The following ADGRL2 variants were observed in gnomAD, a reference collection of about 807,000 sequenced individuals.
ADGRL2 encodes the protein calcium-independent alpha-latrotoxin receptor 2.
A neutral mutation model predicts 157.4 loss-of-function variants in ADGRL2; 44 were observed. That is an observed-to-expected ratio of 0.28 (90% CI 0.22 to 0.36). ADGRL2 has a LOEUF of 0.36. Ranked by LOEUF, ADGRL2 falls within the 10% of genes least tolerant of loss-of-function variation. The pLI is 1.00. For missense variants in ADGRL2, 1,510 were observed against 1,768.9 expected (o/e 0.85, Z 2.63); for synonymous variants, 585 against 624.7 (o/e 0.94, Z 0.95).
Position 81,746,957 on chromosome 1 carries a change from C to T in ADGRL2, c.-142-14854C>T, listed in dbSNP as rs540531502. On this transcript the variant is annotated intron_variant, in intron 1 of 20. Coordinates refer to the ADGRL2 transcript ENST00000359929. ...ACACGTATACACATGTATGTATATA[C>T]GTATATACACACGTATACACACGTG... Among the ~76,000 whole-genome samples the T allele has an allele frequency of 4.1e-4, 60 of 145,558 alleles. No homozygotes were observed. The South Asian group carries it at 4.5e-3, about 11-fold the overall frequency.
At chr1:81,985,426 G>A in intron 21 of ADGRL2, 71 bp downstream of exon 21, 1 of 763,252 alleles carries the variant, frequency 1.3e-6, no homozygotes, top group Non-Finnish European at 2.2e-6. Context: ...ATTCAATAAT[G>A]TAATGTAAGA....
At chr1:81,636,899 G>A (rs1467840436) in intron 3 of ADGRL2, among the ~76,000 whole-genome samples, 1 of 152,222 alleles carries the variant, frequency 6.6e-6, no homozygotes, top group Admixed American at 6.5e-5. Context: ...GCAGTGGCGC[G>A]ATCTTAGCTC....
intron 1 of ADGRL2, among the ~76,000 whole-genome samples, chr1:81,417,997 T>TTG (rs2077061185): frequency 1.3e-5 from 2 of 152,218 alleles, no homozygotes; most frequent in Non-Finnish European, 2.9e-5. Context: ...TGAAAATAAC[T>TTG]CATAATGACA....
At chr1:81,668,729 A>AT (rs371722622) in intron 3 of ADGRL2, among the ~76,000 whole-genome samples, 49,944 of 146,936 alleles carry the variant, frequency 0.34, 9,033 homozygotes, top group African/African-American at 0.49. Context: ...GGCCCGGCTA[A>AT]TTTTTTTTTT....
intron 1 of ADGRL2, among the ~76,000 whole-genome samples, chr1:81,403,623 T>C (rs1171395342): frequency 6.6e-6 from 1 of 152,148 alleles, no homozygotes; most frequent in Non-Finnish European, 1.5e-5. Flanking sequence ...AGTGGTGTTA[T>C]AATCAAATAA....
chr1:81,897,733 T>A (rs2094417723), intron 2 of ADGRL2, among the ~76,000 whole-genome samples: 1 of 152,136 alleles, frequency 6.6e-6, no homozygotes, highest in Non-Finnish European at 1.5e-5. Flanking sequence ...AAGTTGAAAA[T>A]TTTTACCTTG....
chr1:81,834,592 T>C (rs1458067495), intron 1 of ADGRL2, among the ~76,000 whole-genome samples: 2 of 152,200 alleles, frequency 1.3e-5, no homozygotes, highest in African/African-American at 4.8e-5. Context: ...GTAAAATCTT[T>C]TGATTTAGTT....
intron 3 of ADGRL2, among the ~76,000 whole-genome samples, chr1:81,689,273 C>G (rs1305588554): frequency 6.6e-6 from 1 of 152,218 alleles, no homozygotes; most frequent in Non-Finnish European, 1.5e-5. Flanking sequence ...TTCCCTATCT[C>G]TGACCTATAG....
intron 1 of ADGRL2, among the ~76,000 whole-genome samples, chr1:81,724,235 A>G (rs2149140345): frequency 6.6e-6 from 1 of 152,310 alleles, no homozygotes; most frequent in East Asian, 1.9e-4. Context: ...CACTCTGGCA[A>G]CATCTTGTCA....
chr1:81,325,677 C>T lies in ADGRL2; in HGVS notation c.-302+19168C>T, dbSNP rs115488257. Among the ~76,000 whole-genome samples the T allele has an allele frequency of 2.4e-3, 360 of 152,328 alleles. 3 individuals are homozygous for T. Among genetic ancestry groups the T allele is most frequent in the African/African-American group, 8.2e-3 (339 of 41,574 alleles). On this transcript the variant is annotated intron_variant, in intron 1 of 24. Transcript: ENST00000370721. ...TTCCAATATAACTCTAAACTTGCCT[C>T]ATGCAAACGTCTTTAATTTGTAATG...
Position 81,733,727 on chromosome 1 carries a change from T to C in ADGRL2, c.-142-28084T>C, listed in dbSNP as rs184818623. Among the ~76,000 whole-genome samples the C allele has an allele frequency of 4.6e-5, 7 of 152,200 alleles. No individual in the cohort carries two copies. The East Asian group carries it at 1.4e-3, about 29-fold the overall frequency. On this transcript the variant is annotated intron_variant, in intron 1 of 20. Coordinates refer to the ADGRL2 transcript ENST00000359929. ...CATCCTTCTACCCCCTGCTAATAGC[T>C]CTGTGCACTTGGAACTTCAGAATGT...
chr1:81,577,131 CTTTGGACTTGTCA>C (rs527757030), intron 2 of ADGRL2, among the ~76,000 whole-genome samples: 38 of 152,286 alleles, frequency 2.5e-4, no homozygotes, highest in African/African-American at 8.7e-4. Context: ...ATTTTCCTCT[CTTTGGACTTGTCA>C]TTTGTGCCCT....
chr1:81,385,618 A>T (rs1156593190), intron 1 of ADGRL2, among the ~76,000 whole-genome samples: 1 of 152,082 alleles, frequency 6.6e-6, no homozygotes, highest in Non-Finnish European at 1.5e-5. Context: ...AATCCTAGAT[A>T]ATATTTAATG....
At chr1:81,723,188 C>G (rs2084394660) in intron 1 of ADGRL2, 1 of 495,064 alleles carries the variant, frequency 2.0e-6, no homozygotes, top group African/African-American at 1.9e-5. Context: ...AGCTGGGGTG[C>G]TTTGAAGATA....
intron 3 of ADGRL2, among the ~76,000 whole-genome samples, chr1:81,637,091 G>C (rs1365935572): frequency 6.6e-6 from 1 of 152,176 alleles, no homozygotes; most frequent in African/African-American, 2.4e-5. Flanking sequence ...TGATCCACCC[G>C]CCTCAGCCTC....
intron 2 of ADGRL2, among the ~76,000 whole-genome samples, chr1:81,793,500 T>C (rs1200796797): frequency 6.6e-6 from 1 of 152,120 alleles, no homozygotes; most frequent in Non-Finnish European, 1.5e-5. Flanking sequence ...AAGTTAATAA[T>C]CTAACTTCAG....
intron 2 of ADGRL2, among the ~76,000 whole-genome samples, chr1:81,768,673 A>G (rs924647319): frequency 1.3e-5 from 2 of 152,020 alleles, no homozygotes; most frequent in African/African-American, 4.8e-5. Context: ...GGGTCTCACT[A>G]TGTTGTTCAG....
At chr1:81,821,566 CAGA>C (rs776191308) in intron 1 of ADGRL2, among the ~76,000 whole-genome samples, 17 of 152,036 alleles carry the variant, frequency 1.1e-4, no homozygotes, top group Non-Finnish European at 2.4e-4. Context: ...GCATTCACAG[CAGA>C]AGACTACTGT....
exon 1 of ADGRL2, chr1:81,306,399 G>A (rs1315044339): frequency 6.6e-6 from 1 of 152,050 alleles, no homozygotes. Flanking sequence ...TTGCAGAACT[G>A]CTGTATGTAT....
Sources: gnomAD v4.1 joint callset for allele counts (sites outside exome capture counted in the v4.1 genomes callset) on GRCh38, gnomAD v4.1.1 for gene constraint, MANE v1.5 for transcripts, NCBI Gene and HGNC (gene_info 2026-07-23, HGNC 2026-07-21) for gene names.